The following SLC24A2 variants were observed in gnomAD, a reference collection of about 807,000 sequenced individuals.
SLC24A2 encodes the protein solute carrier family 24 member 2.
Under a neutral mutation model 62.0 loss-of-function variants are expected in SLC24A2, and 36 were observed. The observed-to-expected ratio is 0.58, with a 90% CI of 0.44 to 0.77. The LOEUF (loss-of-function observed/expected upper bound fraction) is 0.77, where lower values mean the gene tolerates loss of function less well. Among genes scored for constraint, SLC24A2 ranks in the 30% least tolerant of loss-of-function variants. The probability of loss-of-function intolerance (pLI) is 0.00; values close to 1 mark genes in which losing one functional copy is unlikely to be tolerated. For synonymous variants in SLC24A2, 358 were observed against 294.0 expected (o/e 1.22, Z -2.23); for missense variants, 846 against 817.9 (o/e 1.03, Z -0.42).
intron 2 of SLC24A2, among the ~76,000 whole-genome samples, chr9:19,755,427 G>C (rs190951335): frequency 6.6e-6 from 1 of 152,282 alleles, no homozygotes; most frequent in East Asian, 1.9e-4. Flanking sequence ...CGTGACTTGG[G>C]AGCAACCTTG....
chr9:19,547,506 T>C (rs887590903), intron 8 of SLC24A2, among the ~76,000 whole-genome samples: 4 of 152,176 alleles, frequency 2.6e-5, no homozygotes, highest in African/African-American at 9.7e-5. Context: ...TTGGGAGCTT[T>C]TGATCTTCCC....
At chr9:20,290,930 G>A in the SLC24A2 span, among the ~76,000 whole-genome samples, 2 of 152,174 alleles carry the variant, frequency 1.3e-5, no homozygotes, top group African/African-American at 2.4e-5. Flanking sequence ...GACCCATATG[G>A]CATCTTCATG....
At chr9:20,248,041 A>T in the SLC24A2 span, among the ~76,000 whole-genome samples, 1 of 152,354 alleles carries the variant, frequency 6.6e-6, no homozygotes, top group South Asian at 2.1e-4. Flanking sequence ...AGAGCATGAA[A>T]GTGGATGTCA....
the SLC24A2 span, among the ~76,000 whole-genome samples, chr9:20,211,722 C>A: frequency 6.6e-6 from 1 of 151,732 alleles, no homozygotes; most frequent in Non-Finnish European, 1.5e-5. Flanking sequence ...AGAACTAAAC[C>A]CCCAATTTAT....
chr9:19,546,154 G>T (rs1280574350), intron 8 of SLC24A2, among the ~76,000 whole-genome samples: 4 of 152,228 alleles, frequency 2.6e-5, no homozygotes, highest in Admixed American at 2.0e-4. Context: ...CCTACTGGGA[G>T]CTGTCTCCCA....
At chr9:19,982,352 A>C in the SLC24A2 span, among the ~76,000 whole-genome samples, 1 of 152,210 alleles carries the variant, frequency 6.6e-6, no homozygotes, top group Non-Finnish European at 1.5e-5. Context: ...ACAGAGCAGA[A>C]TAACCCATAA....
chr9:20,195,281 C>T, the SLC24A2 span, among the ~76,000 whole-genome samples: 11 of 152,030 alleles, frequency 7.2e-5, no homozygotes, highest in Non-Finnish European at 1.5e-4. Context: ...TTTATACACA[C>T]ATTTTTCTGT....
intron 2 of SLC24A2, among the ~76,000 whole-genome samples, chr9:19,756,899 G>A (rs1822156073): frequency 3.6e-5 from 2 of 56,090 alleles, no homozygotes; most frequent in African/African-American, 5.0e-5. Flanking sequence ...TTCTTTTACT[G>A]AAGCTTTTTT....
At chr9:20,031,754 C>A in the SLC24A2 span, among the ~76,000 whole-genome samples, 2 of 152,096 alleles carry the variant, frequency 1.3e-5, no homozygotes, top group Non-Finnish European at 2.9e-5. Context: ...CAGCCCCAAT[C>A]CTGACTCTAG....
At chr9:19,848,110 A>T in the SLC24A2 span, among the ~76,000 whole-genome samples, 1 of 152,212 alleles carries the variant, frequency 6.6e-6, no homozygotes, top group Non-Finnish European at 1.5e-5. Flanking sequence ...ACTATTCTGA[A>T]CAAGTGGATT....
chr9:19,525,309 G>T (rs760048812), intron 9 of SLC24A2, among the ~76,000 whole-genome samples: 2 of 150,048 alleles, frequency 1.3e-5, no homozygotes, highest in Non-Finnish European at 2.9e-5. Context: ...TAAAAACCAA[G>T]GTATGCTTTA....
the SLC24A2 span, among the ~76,000 whole-genome samples, chr9:20,180,954 C>T: frequency 1.3e-5 from 2 of 152,268 alleles, no homozygotes; most frequent in African/African-American, 2.4e-5. Context: ...GACACTGACA[C>T]CTTCTTGAGA....
chr9:19,829,779 G>A, the SLC24A2 span, among the ~76,000 whole-genome samples: 1 of 21,514 alleles, frequency 4.6e-5, no homozygotes, highest in African/African-American at 8.7e-5. Flanking sequence ...GTGTGTGTGT[G>A]TGTGTGTGTG....
chr9:20,185,664 C>CAA, the SLC24A2 span, among the ~76,000 whole-genome samples: 62 of 90,746 alleles, frequency 6.8e-4, no homozygotes, highest in African/African-American at 1.6e-3. Flanking sequence ...GACTCCATCT[C>CAA]AAAAAAAAAA....
the SLC24A2 span, among the ~76,000 whole-genome samples, chr9:20,187,225 G>A: frequency 6.6e-6 from 1 of 152,060 alleles, no homozygotes; most frequent in Non-Finnish European, 1.5e-5. Context: ...CTCAAATATG[G>A]CATTGTTTTG....
chr9:20,005,051 A>C, the SLC24A2 span, among the ~76,000 whole-genome samples: 1 of 152,204 alleles, frequency 6.6e-6, no homozygotes, highest in African/African-American at 2.4e-5. Context: ...GTTGTCAGCG[A>C]AATAGTTATG....
At chr9:19,741,885 A>G (rs1821691207) in intron 2 of SLC24A2, among the ~76,000 whole-genome samples, 2 of 152,240 alleles carry the variant, frequency 1.3e-5, no homozygotes, top group Admixed American at 1.3e-4. Context: ...TTATTTGAAA[A>G]TTCAGCTATC....
intron 4 of SLC24A2, among the ~76,000 whole-genome samples, chr9:19,605,543 T>C (rs903199436): frequency 5.3e-5 from 8 of 152,222 alleles, no homozygotes; most frequent in African/African-American, 1.9e-4. Flanking sequence ...TGTTATCTTA[T>C]AGATAGGTAT....
chr9:19,870,931 C>T, the SLC24A2 span, among the ~76,000 whole-genome samples: 1 of 151,940 alleles, frequency 6.6e-6, no homozygotes, highest in African/African-American at 2.4e-5. Flanking sequence ...TAGATGATTT[C>T]CAAATATTTT....
Sources: gnomAD v4.1 joint callset for allele counts (sites outside exome capture counted in the v4.1 genomes callset) on GRCh38, gnomAD v4.1.1 for gene constraint, MANE v1.5 for transcripts, NCBI Gene and HGNC (gene_info 2026-07-23, HGNC 2026-07-21) for gene names.